The following BMPR2 variants were observed in gnomAD, a reference collection of about 807,000 sequenced individuals.
BMPR2 encodes the protein bone morphogenetic protein receptor type-2.
Under a neutral mutation model 100.8 loss-of-function variants are expected in BMPR2, and 29 were observed. That is an observed-to-expected ratio of 0.29 (90% CI 0.21 to 0.39). The LOEUF (loss-of-function observed/expected upper bound fraction) is 0.39, where lower values mean the gene tolerates loss of function less well. Ranked by LOEUF, BMPR2 falls within the 10% of genes least tolerant of loss-of-function variation. The probability of loss-of-function intolerance (pLI) is 1.00; values close to 1 mark genes in which losing one functional copy is unlikely to be tolerated. For missense variants in BMPR2, 1,011 were observed against 1,274.5 expected (o/e 0.79, Z 3.15); for synonymous variants, 382 against 442.3 (o/e 0.86, Z 1.71).
At chr2:202,477,957 A>G (rs902837431) in intron 3 of BMPR2, among the ~76,000 whole-genome samples, 1 of 152,118 alleles carries the variant, frequency 6.6e-6, no homozygotes, top group South Asian at 2.1e-4. Flanking sequence ...TTTACTTGCT[A>G]AAATGTATTT....
chr2:202,508,070 C>T (rs1687558183), intron 3 of BMPR2, among the ~76,000 whole-genome samples: 1 of 139,774 alleles, frequency 7.2e-6, no homozygotes, highest in African/African-American at 2.6e-5. Flanking sequence ...TCATTTGAGG[C>T]TATTATTATT....
chr2:202,397,746 C>A (rs1348739386), intron 1 of BMPR2, among the ~76,000 whole-genome samples: 1 of 151,474 alleles, frequency 6.6e-6, no homozygotes, highest in African/African-American at 2.4e-5. Flanking sequence ...GCAATCCTCC[C>A]ACCTCAGCCT....
chr2:202,399,570 CA>C (rs1690720496), intron 1 of BMPR2, among the ~76,000 whole-genome samples: 1 of 152,100 alleles, frequency 6.6e-6, no homozygotes, highest in Admixed American at 6.6e-5. Flanking sequence ...AGAGTTTAAG[CA>C]GAGTAATTTC....
intron 1 of BMPR2, among the ~76,000 whole-genome samples, chr2:202,388,226 GTC>G (rs1370398203): frequency 1.3e-5 from 2 of 151,098 alleles, no homozygotes; most frequent in Admixed American, 6.6e-5. Flanking sequence ...ATGAAACCCT[GTC>G]TCTACTGAAA....
intron 1 of BMPR2, among the ~76,000 whole-genome samples, chr2:202,426,449 C>T (rs995373168): frequency 2.0e-5 from 3 of 148,050 alleles, no homozygotes; most frequent in African/African-American, 7.5e-5. Flanking sequence ...GGCGTGGTGG[C>T]GGGTGCTTGT....
chr2:202,393,080 A>G (rs937156033), intron 1 of BMPR2, among the ~76,000 whole-genome samples: 4 of 152,130 alleles, frequency 2.6e-5, no homozygotes, highest in African/African-American at 7.2e-5. Context: ...GCATGTACCT[A>G]TATTTAATAC....
intron 4 of BMPR2, 53 bp downstream of exon 4, chr2:202,513,882 AT>A: frequency 7.3e-7 from 1 of 1,369,994 alleles, no homozygotes; most frequent in East Asian, 2.3e-5. Flanking sequence ...AATTTAATCA[AT>A]TTATTTGCTC....
intron 1 of BMPR2, among the ~76,000 whole-genome samples, chr2:202,397,276 A>T (rs1690673064): frequency 6.6e-6 from 1 of 152,188 alleles, no homozygotes; most frequent in Non-Finnish European, 1.5e-5. Context: ...AAATTATGAA[A>T]CTATAGTGAT....
chr2:202,557,134 C>A (rs575704625), intron 12 of BMPR2, among the ~76,000 whole-genome samples: 7 of 152,116 alleles, frequency 4.6e-5, no homozygotes, highest in African/African-American at 1.7e-4. Context: ...AGTTCGAGAC[C>A]AGCCTGACCA....
chr2:202,479,625 A>G (rs528446643), intron 3 of BMPR2, among the ~76,000 whole-genome samples: 1 of 152,178 alleles, frequency 6.6e-6, no homozygotes, highest in African/African-American at 2.4e-5. Flanking sequence ...TACACATTAA[A>G]ACCTCCAAAC....
intron 7 of BMPR2, among the ~76,000 whole-genome samples, chr2:202,522,527 C>A (rs1354477942): frequency 1.4e-5 from 2 of 145,458 alleles, no homozygotes; most frequent in African/African-American, 5.1e-5. Context: ...AAAAGAAATT[C>A]TTGTCCATTA....
At chr2:202,534,506 C>A (rs561051149) in intron 9 of BMPR2, among the ~76,000 whole-genome samples, 95 of 152,234 alleles carry the variant, frequency 6.2e-4, no homozygotes, top group Non-Finnish European at 1.1e-3. Flanking sequence ...CAAAGCACAT[C>A]TTGCACCGCC....
At chr2:202,523,594 G>A (rs913691678) in intron 7 of BMPR2, among the ~76,000 whole-genome samples, 19 of 151,688 alleles carry the variant, frequency 1.3e-4, no homozygotes, top group African/African-American at 7.3e-5. Flanking sequence ...ACCTGAGGTC[G>A]GGAGTTCAAG....
chr2:202,382,652 TATTGACTCAA>T (rs1690328327), intron 1 of BMPR2, among the ~76,000 whole-genome samples: 1 of 152,248 alleles, frequency 6.6e-6, no homozygotes, highest in African/African-American at 2.4e-5. Flanking sequence ...TAGGGTTGTT[TATTGACTCAA>T]ATAACACACC....
At chr2:202,496,245 G>A (rs945141945) in intron 3 of BMPR2, among the ~76,000 whole-genome samples, 2 of 152,178 alleles carry the variant, frequency 1.3e-5, no homozygotes, top group South Asian at 4.1e-4. Context: ...CCAGCACTTT[G>A]GGAGGCCAGG....
chr2:202,533,350 G>A (rs549316890), intron 9 of BMPR2, among the ~76,000 whole-genome samples: 16 of 151,838 alleles, frequency 1.1e-4, no homozygotes, highest in South Asian at 4.2e-4. Context: ...TCAGGAGTTC[G>A]AGACCAACCT....
intron 1 of BMPR2, among the ~76,000 whole-genome samples, chr2:202,461,955 T>G (rs556804992): frequency 6.6e-6 from 1 of 152,292 alleles, no homozygotes; most frequent in Admixed American, 6.5e-5. Context: ...TAGGGTACTG[T>G]GCACAACGTG....
At position 202,565,178 on chromosome 2, in the gene BMPR2, A is replaced by AT. The variant is rs1277630363; in HGVS notation, c.*5239dup. The AT allele has an allele frequency of 6.6e-6, 1 of 152,032 alleles. No homozygotes were observed. Among genetic ancestry groups the AT allele is most frequent in the Non-Finnish European group, 1.5e-5 (1 of 67,994 alleles). 9.4% of individuals were successfully genotyped at this position (152,032 alleles called of 1,614,324 possible). ...CTGTCTCCCTCCTCTTTGATTTTAA[A>AT]TTTTTTTCTTTTACCCAGTAGGACA... On this transcript the variant is annotated 3_prime_UTR_variant, in exon 13 of 13. Coordinates refer to ENST00000374580, the MANE Select transcript of BMPR2 (RefSeq NM_001204.7).
chr2:202,377,304 A>C lies in BMPR2; in HGVS notation c.-171A>C, dbSNP rs1209083977. 1.4e-6 allele frequency: 1 copy of C among 700,980 alleles called. No individual in the cohort carries two copies. The highest frequency in any genetic ancestry group is 2.7e-5 in the East Asian group (1 of 37,068). The allele number at this position is 700,980 out of a possible 1,614,324, so 43.4% of individuals were successfully genotyped here. On this transcript the variant is annotated 5_prime_UTR_variant, in exon 1 of 13. The change abolishes an upstream ATG in the 5' untranslated region. Transcript: ENST00000374580. Reference sequence around the variant, plus strand: ...AAATGAAGGGAATTTCTGCAGCGGCATGAAAGCTCTGCAGCTAGGTCCTCT... The same window carrying C: ...AAATGAAGGGAATTTCTGCAGCGGCCTGAAAGCTCTGCAGCTAGGTCCTCT...
Sources: gnomAD v4.1 joint callset for allele counts (sites outside exome capture counted in the v4.1 genomes callset) on GRCh38, gnomAD v4.1.1 for gene constraint, MANE v1.5 for transcripts, NCBI Gene and HGNC (gene_info 2026-07-23, HGNC 2026-07-21) for gene names.